The following NRXN1 variants were observed in gnomAD, a reference collection of about 807,000 sequenced individuals.
NRXN1 encodes the protein neurexin 1, also known as neurexin-1.
In NRXN1, 39 loss-of-function variants were observed where a neutral mutation model predicts 150.9. That is an observed-to-expected ratio of 0.26 (90% CI 0.20 to 0.34). The LOEUF (loss-of-function observed/expected upper bound fraction) is 0.34, where lower values mean the gene tolerates loss of function less well. Among genes scored for constraint, NRXN1 ranks in the 10% least tolerant of loss-of-function variants. The probability of loss-of-function intolerance (pLI) is 1.00; values close to 1 mark genes in which losing one functional copy is unlikely to be tolerated. For synonymous variants in NRXN1, 924 were observed against 757.0 expected, an observed-to-expected ratio of 1.22 and a Z score of -3.62; for missense variants, 1,815 against 1,949.9, an observed-to-expected ratio of 0.93 and a Z score of 1.30.
intron 17 of NRXN1, among the ~76,000 whole-genome samples, chr2:50,442,060 G>A (rs2086001168): frequency 6.6e-6 from 1 of 152,068 alleles, no homozygotes; most frequent in South Asian, 2.1e-4. Context: ...CATCACTGTG[G>A]CTATACTGCA....
intron 9 of NRXN1, among the ~76,000 whole-genome samples, chr2:50,550,828 C>G (rs1364503659): frequency 6.6e-6 from 1 of 151,776 alleles, no homozygotes; most frequent in East Asian, 2.0e-4. Flanking sequence ...ACTACAGGCA[C>G]CGCCACCACG....
At chr2:50,684,446 A>G (rs1184690923) in intron 5 of NRXN1, among the ~76,000 whole-genome samples, 1 of 148,946 alleles carries the variant, frequency 6.7e-6, no homozygotes, top group Non-Finnish European at 1.5e-5. Context: ...AAACTGCAGT[A>G]AGCTGTGATG....
At chr2:50,739,223 G>T (rs1167555058) in intron 5 of NRXN1, 1 of 494,854 alleles carries the variant, frequency 2.0e-6, no homozygotes, top group African/African-American at 1.9e-5. Flanking sequence ...ATCGACCAAG[G>T]GCACTGGGTT....
At position 50,027,429 on chromosome 2, in the gene NRXN1, C is replaced by T. The variant is rs76014626; in HGVS notation, c.4128+25842G>A. ...CCCTCCCTCCCTCTCTCCCTTCCTC[C>T]GTTCTTTCCTTTGCTCCTTCTCTCC... On this transcript the variant is annotated intron_variant, in intron 21 of 22. Transcript: ENST00000401669. 8.7e-4 allele frequency among the ~76,000 whole-genome samples: 130 copies of T among 149,252 alleles called. 1 individual carries two copies. Among genetic ancestry groups the T allele is most frequent in the African/African-American group, 2.7e-3 (111 of 40,688 alleles).
intron 21 of NRXN1, chr2:49,970,064 C>T (rs1573126017): frequency 1.3e-5 from 2 of 152,076 alleles, no homozygotes; most frequent in East Asian, 1.9e-4. Flanking sequence ...TCAAGTCATT[C>T]CCACCATGAT....
chr2:49,932,544 G>T (rs1670317811), intron 22 of NRXN1, among the ~76,000 whole-genome samples: 1 of 151,082 alleles, frequency 6.6e-6, no homozygotes, highest in Non-Finnish European at 1.5e-5. Context: ...AATAGGTAAA[G>T]CCAAGCTATT....
rs1234096143 is a variant in NRXN1, at chr2:49,937,564, G to A, written c.4216+6140C>T. ...GAAAAAACATTTCCTACACCAGCAC[G>A]TTGCACACTGAAACCCAGCTAGCAC... On this transcript the variant is annotated intron_variant, in intron 22 of 22. Coordinates refer to ENST00000401669, the MANE Select transcript of NRXN1 (RefSeq NM_001330078.2). Among the ~76,000 whole-genome samples the A allele has an allele frequency of 3.3e-5, 5 of 152,094 alleles. No individual in the cohort carries two copies. In the East Asian group the frequency reaches 5.8e-4, roughly 18 times the overall value.
At chr2:50,788,992 C>G (rs1466359810) in intron 5 of NRXN1, among the ~76,000 whole-genome samples, 1 of 151,872 alleles carries the variant, frequency 6.6e-6, no homozygotes, top group Non-Finnish European at 1.5e-5. Flanking sequence ...ATGCAAGGAG[C>G]AGGAAATGGA....
chr2:50,242,521 T>A (rs557675029), intron 17 of NRXN1, among the ~76,000 whole-genome samples: 32 of 151,956 alleles, frequency 2.1e-4, no homozygotes, highest in African/African-American at 7.7e-4. Context: ...TACTAAAATT[T>A]CATATAGGCA....
chr2:50,403,808 A>G (rs2082556895), intron 17 of NRXN1, among the ~76,000 whole-genome samples: 1 of 152,120 alleles, frequency 6.6e-6, no homozygotes, highest in African/African-American at 2.4e-5. Context: ...ATTTCATTAG[A>G]AGAGATTTTA....
At chr2:50,045,516 T>G (rs2152604146) in intron 21 of NRXN1, among the ~76,000 whole-genome samples, 1 of 152,240 alleles carries the variant, frequency 6.6e-6, no homozygotes, top group African/African-American at 2.4e-5. Context: ...GGCTAATTTT[T>G]GTACTTTTCC....
At chr2:50,218,276 C>T (rs1364912702) in intron 18 of NRXN1, among the ~76,000 whole-genome samples, 2 of 151,936 alleles carry the variant, frequency 1.3e-5, no homozygotes, top group Non-Finnish European at 2.9e-5. Context: ...ACTTTAAAGC[C>T]CTCAAGAAGT....
chr2:50,718,941 T>A (rs909167432), intron 5 of NRXN1, among the ~76,000 whole-genome samples: 1 of 151,756 alleles, frequency 6.6e-6, no homozygotes, highest in East Asian at 1.9e-4. Context: ...TTAGGATGCG[T>A]TGCAAATATG....
At chr2:50,755,292 G>T (rs1305982628) in intron 5 of NRXN1, among the ~76,000 whole-genome samples, 1 of 151,750 alleles carries the variant, frequency 6.6e-6, no homozygotes, top group South Asian at 2.1e-4. Flanking sequence ...ACCTCTCAGA[G>T]TCTTCATTTC....
chr2:50,501,304 G>T (rs989863178), intron 13 of NRXN1, among the ~76,000 whole-genome samples: 4 of 151,894 alleles, frequency 2.6e-5, no homozygotes, highest in African/African-American at 7.3e-5. Flanking sequence ...GAGCGGGAGC[G>T]CCAGGGTCCA....
chr2:50,624,515 A>G (rs1166977467), intron 5 of NRXN1, among the ~76,000 whole-genome samples: 1 of 152,122 alleles, frequency 6.6e-6, no homozygotes, highest in Non-Finnish European at 1.5e-5. Context: ...AAACAGTTTT[A>G]TCATTGAGAG....
At chr2:50,292,447 T>C (rs971698387) in intron 17 of NRXN1, among the ~76,000 whole-genome samples, 3 of 152,206 alleles carry the variant, frequency 2.0e-5, no homozygotes, top group African/African-American at 7.2e-5. Flanking sequence ...TAACAGGTTC[T>C]GAAATGCATT....
chr2:50,873,621 GA>G (rs1188034234), intron 5 of NRXN1, among the ~76,000 whole-genome samples: 1 of 151,844 alleles, frequency 6.6e-6, no homozygotes, highest in Non-Finnish European at 1.5e-5. Flanking sequence ...TAGAGAACTT[GA>G]AAAAATTGAC....
intron 21 of NRXN1, among the ~76,000 whole-genome samples, chr2:50,017,056 G>C (rs1435124273): frequency 6.6e-6 from 1 of 152,098 alleles, no homozygotes; most frequent in Non-Finnish European, 1.5e-5. Context: ...ATGTGTTCCA[G>C]CTCACAGACT....
Sources: gnomAD v4.1 joint callset for allele counts (sites outside exome capture counted in the v4.1 genomes callset) on GRCh38, gnomAD v4.1.1 for gene constraint, MANE v1.5 for transcripts, NCBI Gene and HGNC (gene_info 2026-07-23, HGNC 2026-07-21) for gene names.